CEP170B: variants seen among roughly 807,000 people sequenced by gnomAD.
The protein encoded by CEP170B is centrosomal protein 170B, also known as centrosomal protein of 170 kDa protein B.
A neutral mutation model predicts 120.6 loss-of-function variants in CEP170B; 55 were observed. The observed-to-expected ratio is 0.46, with a 90% CI of 0.37 to 0.57. The LOEUF (loss-of-function observed/expected upper bound fraction) is 0.57. CEP170B is among the 20% of genes least tolerant of loss of function. CEP170B has a pLI of 0.00. For missense variants in CEP170B, 2,212 were observed against 2,253.3 expected (o/e 0.98, Z 0.37); for synonymous variants, 1,033 against 954.5 (o/e 1.08, Z -1.52).
chr14:104,887,948 G>A lies in CEP170B; in HGVS notation c.3709G>A (p.Ala1237Thr). 3.9e-6 allele frequency: 6 copies of A among 1,533,096 alleles called. No homozygotes were observed. Among genetic ancestry groups the A allele is most frequent in the Non-Finnish European group, 2.6e-6 (3 of 1,143,416 alleles). 95.0% of individuals were successfully genotyped at this position (1,533,096 alleles called of 1,614,324 possible). A position where few individuals can be genotyped will look rare whatever the true frequency, so the allele number is the denominator to read the frequency against. Residue 1237 changes from alanine (A) to threonine (T), a missense_variant, in exon 12 of 19, where the codon GCC (alanine) becomes ACC (threonine). Coordinates refer to ENST00000414716, the MANE Select transcript of CEP170B (RefSeq NM_001112726.3). ...TTGPRQPFSR[A>T]RSGSARYTST... Reference sequence around the variant, plus strand: ...GGGTCCCCGCCAGCCCTTCAGCAGGGCCCGCTCAGGCAGTGCCCGATACAC... The same window carrying A: ...GGGTCCCCGCCAGCCCTTCAGCAGGACCCGCTCAGGCAGTGCCCGATACAC...
In CEP170B at chr14:104,880,269, C is replaced by T. The variant is rs888517717; in HGVS notation, c.334-18C>T. 2.3e-5 allele frequency: 36 copies of T among 1,576,376 alleles called. No individual in the cohort carries two copies. The highest frequency in any genetic ancestry group is 1.7e-4 in the Middle Eastern group (1 of 6,014). The stretch of plus-strand genomic sequence containing the variant: ...TGAGGCTGGGCCCAGTACCTCACCC[C>T]GCCTGGCCTGCCCACAGCATGAAAA... On this transcript the variant is annotated intron_variant, in intron 5 of 18. Coordinates refer to ENST00000414716, the MANE Select transcript of CEP170B (RefSeq NM_001112726.3).
At position 104,878,520 on chromosome 14, in the gene CEP170B, C is replaced by A. The variant is rs533226742; in HGVS notation, c.333+19C>A. The stretch of plus-strand genomic sequence containing the variant: ...ACTCAAGGTTAGTGCTGGCCAAGCC[C>A]GGGTGGCTCAGCCACGAGGGCTCAG... On this transcript the variant is annotated intron_variant, in intron 5 of 18. Coordinates refer to ENST00000414716, the MANE Select transcript of CEP170B (RefSeq NM_001112726.3). 24 of 1,608,630 alleles carry A rather than the reference C, an allele frequency of 1.5e-5. No homozygotes were observed. Among genetic ancestry groups the A allele is most frequent in the Middle Eastern group, 3.3e-4 (2 of 6,026 alleles).
At chr14:104,885,637 G>C in intron 10 of CEP170B, 95 bp downstream of exon 10, 2 of 1,453,920 alleles carry the variant, frequency 1.4e-6, no homozygotes, top group Non-Finnish European at 1.8e-6. Context: ...CATGGGGCGA[G>C]ACTGGACTTT....
rs1896072459 is a variant in CEP170B at position 104,880,200 on chromosome 14, C to G, written c.334-87C>G. The G allele has an allele frequency of 2.0e-6, 3 of 1,517,752 alleles. No homozygotes were observed. In the African/African-American group the frequency reaches 4.1e-5, roughly 21 times the overall value. 94.0% of individuals were successfully genotyped at this position (1,517,752 alleles called of 1,614,324 possible). A position where few individuals can be genotyped will look rare whatever the true frequency, so the allele number is the denominator to read the frequency against. ...ACATGCAAAGTCATAGCTGGGCCCT[C>G]TGGATGGAGAGGAGAGGCTGGGCCC... On this transcript the variant is annotated intron_variant, in intron 5 of 18. Coordinates refer to ENST00000414716, the MANE Select transcript of CEP170B (RefSeq NM_001112726.3).
Position 104,887,165 on chromosome 14 carries a change from C to A in CEP170B, c.2926C>A (p.Pro976Thr), listed in dbSNP as rs199757955. The A allele has an allele frequency of 2.7e-4, 441 of 1,608,502 alleles. 2 individuals carry two copies. Among genetic ancestry groups the A allele is most frequent in the African/African-American group, 3.9e-4 (29 of 74,954 alleles). ...CAAGAGCGGGCCCAGCCCCACAACC[C>A]CCCAGCCTCTGCGGGCACAGAAGGA... ...SGKSGPSPTTPQPLRAQKEMS... is the reference protein window; with the variant it reads ...SGKSGPSPTTTQPLRAQKEMS... The change falls in exon 12 of 19, where the codon CCC (proline) becomes ACC (threonine). Residue 976 changes from proline (P) to threonine (T), a missense_variant. Physicochemically the swap from Pro to Thr is conservative, Grantham distance 38. This residue lies in a region of CEP170B where 2,166 missense variants were observed against 2,166.7 expected (regional missense o/e 1.00). Transcript: ENST00000414716.
At position 104,886,863 on chromosome 14, in the gene CEP170B, G is replaced by A. The variant is rs377333323; in HGVS notation, c.2624G>A (p.Ser875Asn). The A allele has an allele frequency of 1.9e-5, 31 of 1,610,730 alleles. No individual in the cohort carries two copies. In the African/African-American group the frequency reaches 3.5e-4, roughly 18 times the overall value. ...GAGAGCTTCACTAAGGAGCCAGCCA[G>A]TGGTCCCCCAGCGCCCGGCAAGCCC... ...RQESFTKEPA[S>N]GPPAPGKPPH... The change falls in exon 12 of 19, where the codon AGT becomes AAT. Residue 875 changes from serine (S) to asparagine (N), a missense_variant. Transcript: ENST00000414716.
At position 104,886,788 on chromosome 14, in the gene CEP170B, C is replaced by A. The variant is rs1292847544; in HGVS notation, c.2549C>A (p.Pro850His). ...GGGAGAATGGTCATCCAGCTACGGC[C>A]TGGACGGTCCCCAGAACCCGACGGC... ...ANGRMVIQLR[P>H]GRSPEPDGPA... The change falls in exon 12 of 19, where the codon CCT becomes CAT. Residue 850 changes from proline to histidine, a missense_variant. By Grantham distance (77) the Pro-to-His change is moderately conservative. Around this residue, in one of 2 missense-constraint regions of CEP170B, gnomAD observed 2,166 missense variants for 2,166.7 expected, o/e 1.00. Transcript: ENST00000414716. 5.6e-6 allele frequency: 9 copies of A among 1,611,552 alleles called. No individual in the cohort carries two copies. The highest frequency in any genetic ancestry group is 7.6e-6 in the Non-Finnish European group (9 of 1,179,812).
At position 104,887,953 on chromosome 14, in the gene CEP170B, C is replaced by A; in HGVS notation, c.3714C>A (p.Arg1238=). 6.5e-7 allele frequency: 1 copy of A among 1,532,078 alleles called. No homozygotes were observed. The allele number at this position is 1,532,078 out of a possible 1,614,324, so 94.9% of individuals were successfully genotyped here. Residue 1238 remains arginine, a synonymous_variant, in exon 12 of 19, where the codon CGC becomes CGA. Coordinates refer to ENST00000414716, the MANE Select transcript of CEP170B (RefSeq NM_001112726.3). ...TGPRQPFSRA[R]SGSARYTSTT... Reference sequence around the variant, plus strand: ...CCCGCCAGCCCTTCAGCAGGGCCCGCTCAGGCAGTGCCCGATACACCTCCA... The same window carrying A: ...CCCGCCAGCCCTTCAGCAGGGCCCGATCAGGCAGTGCCCGATACACCTCCA...
At chr14:104,873,867 C>T (rs1364254636) in intron 2 of CEP170B, among the ~76,000 whole-genome samples, 2 of 152,196 alleles carry the variant, frequency 1.3e-5, no homozygotes, top group African/African-American at 2.4e-5. Context: ...CCCCAGGCCT[C>T]AGTGCTTCCT....
In CEP170B at chr14:104,868,302, C is replaced by T; in HGVS notation, c.-27-122C>T. 1.4e-6 allele frequency: 1 copy of T among 694,852 alleles called. No individual in the cohort carries two copies. The highest frequency in any genetic ancestry group is 1.9e-5 in the South Asian group (1 of 52,574). 43.0% of individuals were successfully genotyped at this position (694,852 alleles called of 1,614,324 possible). ...CGGGTGGCCTGATGAGGCTGGAGCC[C>T]AGCTTCTCCGGAAGCTGCCAGCTTC... is the stretch of plus-strand genomic sequence containing the variant. On this transcript the variant is annotated intron_variant, in intron 1 of 18. Coordinates refer to ENST00000414716, the MANE Select transcript of CEP170B (RefSeq NM_001112726.3). The surrounding 1 kb of genome is among the most constrained non-coding windows in gnomAD (Gnocchi z 5.9).
Position 104,880,400 on chromosome 14 carries a change from G to A in CEP170B, c.447G>A (p.Glu149=). The change falls in exon 6 of 19, where the codon GAG becomes GAA. Residue 149 remains glutamate (E), a synonymous_variant. Transcript: ENST00000414716. ...PYCEASNPRP[E]KGDRRPGTEA... is the part of the protein sequence containing the mutation. The stretch of plus-strand genomic sequence containing the variant: ...GCGAGGCCTCGAACCCCAGGCCGGA[G>A]AAGGGGGACCGGAGACCAGGAACAG... 1 of 1,612,638 alleles carries A rather than the reference G, an allele frequency of 6.2e-7. No homozygotes were observed. Among genetic ancestry groups the A allele is most frequent in the Non-Finnish European group, 8.5e-7 (1 of 1,179,660 alleles).
intron 12 of CEP170B, among the ~76,000 whole-genome samples, chr14:104,889,237 A>G (rs1896668377): frequency 6.6e-6 from 1 of 152,062 alleles, no homozygotes; most frequent in Non-Finnish European, 1.5e-5. Flanking sequence ...GGGGTTTCCC[A>G]CCTAATCAGC....
chr14:104,890,682 ATGGGTGAG>A (rs1896796308), intron 13 of CEP170B, among the ~76,000 whole-genome samples: 2 of 62,426 alleles, frequency 3.2e-5, no homozygotes, highest in African/African-American at 9.7e-5. Flanking sequence ...GGATGGATGG[ATGGGTGAG>A]TGGGTGGGTG....
At position 104,886,118 on chromosome 14, in the gene CEP170B, C is replaced by G. The variant is rs1247769563; in HGVS notation, c.2023C>G (p.Pro675Ala). ...WASLADSYSD[P>A]GLTEDGLGRR... is the part of the protein sequence containing the mutation. ...CAGCCTGGCTGACAGCTACTCAGAC[C>G]CGGGCCTCACAGGTAAGTGGCTCCA... Residue 675 changes from proline (P) to alanine (A), a missense_variant, in exon 11 of 19, where the codon CCG becomes GCG. Pro to Ala is a conservative substitution (Grantham distance 27). Transcript: ENST00000414716. 1.9e-6 allele frequency: 3 copies of G among 1,541,610 alleles called. No homozygotes were observed. The South Asian group carries it at 3.6e-5, about 18-fold the overall frequency.
rs1037329586 is a variant in CEP170B, at chr14:104,886,732, A to G, written c.2493A>G (p.Pro831=). 6.2e-7 allele frequency: 1 copy of G among 1,606,934 alleles called. No homozygotes were observed. Among genetic ancestry groups the G allele is most frequent in the Non-Finnish European group, 8.5e-7 (1 of 1,176,532 alleles). The change falls in exon 12 of 19, where the codon CCA becomes CCG. Residue 831 remains proline, a synonymous_variant. Coordinates refer to ENST00000414716, the MANE Select transcript of CEP170B (RefSeq NM_001112726.3). ...GLGQTAQPSP[P]ARDGVYVSAN... ...GGCAGACAGCCCAGCCCAGCCCCCC[A>G]GCACGGGATGGCGTCTATGTCAGTG...
chr14:104,886,234 A>T (rs1406895404), intron 11 of CEP170B, 41 bp from the exon 12 acceptor site: 1 of 1,479,638 alleles, frequency 6.8e-7, no homozygotes, highest in Admixed American at 2.3e-5. Context: ...GAGGGCCTGC[A>T]GACCAGCGGC....
In CEP170B at chr14:104,887,533, C is replaced by T. The variant is rs760203540; in HGVS notation, c.3294C>T (p.Ser1098=). The T allele has an allele frequency of 1.2e-6, 2 of 1,610,632 alleles. No individual in the cohort carries two copies. The highest frequency in any genetic ancestry group is 1.7e-6 in the Non-Finnish European group (2 of 1,179,322). ...SPAAREEQSR[S]SASSQKGPQA... ...CTGCCCGGGAGGAGCAGAGCCGTAG[C>T]TCAGCCAGCTCCCAGAAGGGGCCGC... Residue 1098 remains serine (S), a synonymous_variant, in exon 12 of 19, where the codon AGC becomes AGT. Coordinates refer to ENST00000414716, the MANE Select transcript of CEP170B (RefSeq NM_001112726.3).
At chr14:104,866,790 AAGT>A (rs1895230671) in intron 1 of CEP170B, among the ~76,000 whole-genome samples, 1 of 152,118 alleles carries the variant, frequency 6.6e-6, no homozygotes, top group South Asian at 2.1e-4. Context: ...GCACTGGGCA[AAGT>A]AGGGACAAGG....
intron 2 of CEP170B, among the ~76,000 whole-genome samples, chr14:104,871,668 G>C (rs890653832): frequency 1.3e-5 from 2 of 152,176 alleles, no homozygotes; most frequent in Non-Finnish European, 2.9e-5. Context: ...CTGGGGACTG[G>C]GCGGTCAGCA....
Sources: gnomAD v4.1 joint callset for allele counts (sites outside exome capture counted in the v4.1 genomes callset) on GRCh38, gnomAD v4.1.1 for gene constraint, gnomAD v4.1.1 regional missense constraint, Gnocchi (gnomAD v3.1) non-coding constraint, MANE v1.5 for transcripts, NCBI Gene and HGNC (gene_info 2026-07-23, HGNC 2026-07-21) for gene names.